SLC2A9: variants seen among roughly 807,000 people sequenced by gnomAD.
The protein encoded by SLC2A9 is solute carrier family 2 member 9.
A neutral mutation model predicts 50.6 loss-of-function variants in SLC2A9; 39 were observed. The observed-to-expected ratio is 0.77, with a 90% CI of 0.60 to 1.01. SLC2A9 has a LOEUF of 1.01. Ranked by LOEUF, SLC2A9 falls within the 50% of genes least tolerant of loss-of-function variation. The probability of loss-of-function intolerance (pLI) is 0.00; values close to 1 mark genes in which losing one functional copy is unlikely to be tolerated. For synonymous variants in SLC2A9, 324 were observed against 276.9 expected, an observed-to-expected ratio of 1.17 and a Z score of -1.69; for missense variants, 686 against 677.6, an observed-to-expected ratio of 1.01 and a Z score of -0.14.
intron 5 of SLC2A9, among the ~76,000 whole-genome samples, chr4:9,977,487 C>G (rs1312516237): frequency 3.3e-5 from 5 of 151,966 alleles, no homozygotes; most frequent in African/African-American, 4.8e-5. Context: ...TCATTTACAG[C>G]ATAGGTGTGG....
intron 11 of SLC2A9, among the ~76,000 whole-genome samples, chr4:9,829,163 G>A (rs1425085135): frequency 6.6e-6 from 1 of 152,108 alleles, no homozygotes. Context: ...CAGCACTTTG[G>A]GAGGCTGAGG....
intron 5 of SLC2A9, among the ~76,000 whole-genome samples, chr4:9,958,893 AT>A (rs1328511382): frequency 4.6e-5 from 7 of 150,588 alleles, no homozygotes; most frequent in African/African-American, 1.7e-4. Context: ...TTTGAAAAAA[AT>A]TAATTGTAGG....
At position 9,955,225 on chromosome 4, in the gene SLC2A9, G is replaced by T. The variant is rs532092084; in HGVS notation, c.682-13180C>A. ...AACTCCAAGTCGGCCGGGCGCGGTG[G>T]CTCACGCTTGTAATCCCAGCACTTT... is the stretch of plus-strand genomic sequence containing the variant. On this transcript the variant is annotated intron_variant, in intron 5 of 11. Transcript: ENST00000264784. 8.3e-3 allele frequency among the ~76,000 whole-genome samples: 967 copies of T among 116,118 alleles called. 288 individuals carry two copies. The highest frequency in any genetic ancestry group is 0.012 in the Middle Eastern group (3 of 242). 76.2% of individuals were successfully genotyped at this position (116,118 alleles called of 152,430 possible). A position where few individuals can be genotyped will look rare whatever the true frequency, so the allele number is the denominator to read the frequency against.
At chr4:9,992,682 G>C (rs1757921083) in intron 3 of SLC2A9, among the ~76,000 whole-genome samples, 1 of 152,228 alleles carries the variant, frequency 6.6e-6, no homozygotes, top group Non-Finnish European at 1.5e-5. Context: ...AAGGTGAGCT[G>C]AGAGGTGGAG....
At chr4:9,852,322 G>A (rs975566202) in intron 10 of SLC2A9, among the ~76,000 whole-genome samples, 4 of 151,022 alleles carry the variant, frequency 2.6e-5, no homozygotes, top group Non-Finnish European at 4.4e-5. Context: ...GCGCAATCTC[G>A]GCTCACTGCA....
intron 1 of SLC2A9, chr4:10,029,410 T>C (rs1241158721): frequency 6.6e-6 from 1 of 152,210 alleles, no homozygotes; most frequent in Non-Finnish European, 1.5e-5. Context: ...TGGGATGCTT[T>C]AGGTAGCCTT....
At chr4:9,782,286 C>A (rs1174768761) in intron 3 of SLC2A9, 1 of 1,613,886 alleles carries the variant, frequency 6.2e-7, no homozygotes, top group Non-Finnish European at 8.5e-7. Flanking sequence ...CTGGCCGTGT[C>A]AGACCTTTTC....
At chr4:9,797,941 C>T (rs1258692111), downstream of SLC2A9, among the ~76,000 whole-genome samples, 2 of 152,224 alleles carry the variant, frequency 1.3e-5, no homozygotes, top group Non-Finnish European at 2.9e-5. Flanking sequence ...CCACAGTCCC[C>T]AGAGTTCCAG....
In SLC2A9 at chr4:9,950,892, C is replaced by CAAAAAAAAAAAA. The variant is rs764863059; in HGVS notation, c.682-8859_682-8848dup. 7.8e-4 allele frequency among the ~76,000 whole-genome samples: 9 copies of CAAAAAAAAAAAA among 11,552 alleles called. 2 individuals are homozygous for CAAAAAAAAAAAA. The highest frequency in any genetic ancestry group is 1.6e-3 in the African/African-American group (5 of 3,210). 7.6% of individuals were successfully genotyped at this position (11,552 alleles called of 152,430 possible). On this transcript the variant is annotated intron_variant, in intron 5 of 11. Transcript: ENST00000264784. ...TGGGCGACAGAGCGAGACTCCGTCT[C>CAAAAAAAAAAAA]AAAAAAAAAAAAAAAAAAAAAAAAA...
intron 10 of SLC2A9, among the ~76,000 whole-genome samples, chr4:9,845,510 A>G (rs1425441964): frequency 2.1e-5 from 3 of 144,100 alleles, no homozygotes; most frequent in Admixed American, 6.9e-5. Flanking sequence ...GCTCACTGCA[A>G]GCTCCGCCTC....
chr4:9,850,150 T>C (rs1729638532), intron 10 of SLC2A9, among the ~76,000 whole-genome samples: 1 of 152,084 alleles, frequency 6.6e-6, no homozygotes, highest in Admixed American at 6.5e-5. Context: ...ACTTGTTTCC[T>C]GGCCCCCAGC....
chr4:9,920,369 G>C lies in SLC2A9; in HGVS notation c.1002+16C>G. 2 of 1,613,666 alleles carry C rather than the reference G, an allele frequency of 1.2e-6. No individual in the cohort carries two copies. Among genetic ancestry groups the C allele is most frequent in the Non-Finnish European group, 1.7e-6 (2 of 1,179,854 alleles). Reference sequence around the variant, plus strand: ...CTCCAGTCATGCAAGGATGCCCACCGGGCCCCAGGACTCACTGCATTGAGG... The same window carrying C: ...CTCCAGTCATGCAAGGATGCCCACCCGGCCCCAGGACTCACTGCATTGAGG... On this transcript the variant is annotated intron_variant, in intron 7 of 11. Transcript: ENST00000264784.
chr4:9,869,160 G>A lies in SLC2A9; in HGVS notation c.1291+18407C>T, dbSNP rs113872359. Among the ~76,000 whole-genome samples the A allele has an allele frequency of 1.6e-4, 24 of 152,198 alleles. 1 individual carries two copies. The South Asian group carries it at 2.9e-3, about 18-fold the overall frequency. ...CCGTAAGACAGAGACAGTATAAGTC[G>A]GGATCTGGACTTTTCCACAGAGAAA... On this transcript the variant is annotated intron_variant, in intron 10 of 11. Transcript: ENST00000264784.
intron 8 of SLC2A9, among the ~76,000 whole-genome samples, chr4:9,902,204 A>G (rs1399749913): frequency 1.3e-5 from 2 of 152,110 alleles, no homozygotes; most frequent in Non-Finnish European, 2.9e-5. Context: ...CTGTTTTCTC[A>G]TAACATCCTT....
intron 3 of SLC2A9, chr4:9,781,588 G>C (rs1359029236): frequency 5.0e-5 from 8 of 158,460 alleles, no homozygotes; most frequent in African/African-American, 1.9e-4. Flanking sequence ...GGCTCGGGGG[G>C]CGGGACGCGG....
At chr4:9,853,777 A>G (rs1224447433) in intron 10 of SLC2A9, among the ~76,000 whole-genome samples, 1 of 152,232 alleles carries the variant, frequency 6.6e-6, no homozygotes, top group Non-Finnish European at 1.5e-5. Flanking sequence ...ACAAAAAAAT[A>G]AAATTATACC....
intron 6 of SLC2A9, among the ~76,000 whole-genome samples, chr4:9,930,661 G>A (rs1453405906): frequency 6.6e-6 from 1 of 152,232 alleles, no homozygotes; most frequent in East Asian, 1.9e-4. Flanking sequence ...TGTCTAGTCT[G>A]CAGAAAAGAG....
chr4:9,910,546 G>A (rs552106966), intron 7 of SLC2A9, among the ~76,000 whole-genome samples: 13 of 152,320 alleles, frequency 8.5e-5, no homozygotes, highest in Admixed American at 7.8e-4. Context: ...CCCTCAGGCT[G>A]CCAGGCTGTC....
At chr4:9,929,453 C>T (rs1745499744) in intron 6 of SLC2A9, among the ~76,000 whole-genome samples, 1 of 152,200 alleles carries the variant, frequency 6.6e-6, no homozygotes, top group African/African-American at 2.4e-5. Context: ...CCAGCTCCTG[C>T]CCCCAGGGGT....
Sources: gnomAD v4.1 joint callset for allele counts (sites outside exome capture counted in the v4.1 genomes callset) on GRCh38, gnomAD v4.1.1 for gene constraint, MANE v1.5 for transcripts, NCBI Gene and HGNC (gene_info 2026-07-23, HGNC 2026-07-21) for gene names.